The following TBC1D16 variants were observed in gnomAD, a reference collection of about 807,000 sequenced individuals.
The protein encoded by TBC1D16 is CTD-2529O21.1.
In TBC1D16, 58 loss-of-function variants were observed where a neutral mutation model predicts 74.7. That is an observed-to-expected ratio of 0.78 (90% CI 0.63 to 0.97). The LOEUF is 0.97. Among genes scored for constraint, TBC1D16 ranks in the 50% least tolerant of loss-of-function variants. The pLI is 0.00. For missense variants in TBC1D16, 1,014 were observed against 1,079.5 expected (o/e 0.94, Z 0.85); for synonymous variants, 493 against 474.7 (o/e 1.04, Z -0.50).
At position 80,000,756 on chromosome 17, in the gene TBC1D16, C is replaced by T. The variant is rs1057313432; in HGVS notation, c.779+9404G>A. Among the ~76,000 whole-genome samples the T allele has an allele frequency of 6.6e-6, 1 of 152,222 alleles. No individual in the cohort carries two copies. Among genetic ancestry groups the T allele is most frequent in the Middle Eastern group, 3.2e-3 (1 of 316 alleles). On this transcript the variant is annotated intron_variant, in intron 3 of 11. Transcript: ENST00000310924. The surrounding 1 kb of genome is among the most constrained non-coding windows in gnomAD (Gnocchi z 4.1). ...TTCCTGAACCCCCACAATGCCCCCA[C>T]TTCACAGAGGAGTAAACTGAGGTAC...
chr17:79,974,240 T>G (rs2034237439), intron 3 of TBC1D16, among the ~76,000 whole-genome samples: 1 of 37,662 alleles, frequency 2.7e-5, no homozygotes, highest in South Asian at 6.7e-4. Context: ...TCCATTTAAT[T>G]TTTTTTTTCT....
chr17:79,983,541 G>T lies in TBC1D16; in HGVS notation c.779+26619C>A, dbSNP rs1184865175. On this transcript the variant is annotated intron_variant, in intron 3 of 11. Coordinates refer to ENST00000310924, the MANE Select transcript of TBC1D16 (RefSeq NM_019020.4). This position sits in a 1 kb window ranked among gnomAD's most constrained non-coding sequence, Gnocchi z 5.6. ...AGCACCCGCAGCACCTCAGGCACGGGGAGCTGAGCCACCGACGGCTACAAA... is the reference window on the plus strand; with the variant it reads ...AGCACCCGCAGCACCTCAGGCACGGTGAGCTGAGCCACCGACGGCTACAAA... Among the ~76,000 whole-genome samples the T allele has an allele frequency of 6.6e-6, 1 of 152,200 alleles. No individual in the cohort carries two copies. Among genetic ancestry groups the T allele is most frequent in the Non-Finnish European group, 1.5e-5 (1 of 68,034 alleles).
intron 1 of TBC1D16, among the ~76,000 whole-genome samples, chr17:80,017,801 G>A (rs2036145429): frequency 6.6e-6 from 1 of 151,684 alleles, no homozygotes; most frequent in Admixed American, 6.6e-5. Flanking sequence ...TAGACCATCT[G>A]ACCAAATCCA....
In TBC1D16 at chr17:79,940,620, G is replaced by A. The variant is rs1017690758; in HGVS notation, c.*239C>T. 1.5e-5 allele frequency: 6 copies of A among 409,580 alleles called. No homozygotes were observed. Among genetic ancestry groups the A allele is most frequent in the East Asian group, 7.6e-5 (2 of 26,156 alleles). The allele number at this position is 409,580 out of a possible 1,614,324, so 25.4% of individuals were successfully genotyped here. On this transcript the variant is annotated 3_prime_UTR_variant, in exon 12 of 12. Transcript: ENST00000310924. This position sits in a 1 kb window ranked among gnomAD's most constrained non-coding sequence, Gnocchi z 5.4. The stretch of plus-strand genomic sequence containing the variant: ...CCTGCGTCTCAGGTGCGGTGGCTGC[G>A]CGTTCCACTGCAGCGTTTCAGGAGC...
chr17:79,991,903 G>A (rs375976527), intron 3 of TBC1D16: 2 of 151,760 alleles, frequency 1.3e-5, no homozygotes, highest in Admixed American at 6.6e-5. Context: ...TGGCGGGGGT[G>A]GGGGGATGGT....
At chr17:80,029,315 A>G (rs1030220782) in intron 1 of TBC1D16, among the ~76,000 whole-genome samples, 2 of 151,932 alleles carry the variant, frequency 1.3e-5, no homozygotes, top group Non-Finnish European at 2.9e-5. Flanking sequence ...AGGGGAGGAG[A>G]GGGGCAGCAG....
intron 3 of TBC1D16, among the ~76,000 whole-genome samples, chr17:79,974,377 TAC>T (rs1314031306): frequency 6.6e-6 from 1 of 152,200 alleles, no homozygotes; most frequent in Non-Finnish European, 1.5e-5. Context: ...TAGCTGGGAT[TAC>T]AGACATACAC....
At chr17:80,032,773 T>C (rs1449307147) in intron 1 of TBC1D16, among the ~76,000 whole-genome samples, 1 of 152,176 alleles carries the variant, frequency 6.6e-6, no homozygotes, top group Non-Finnish European at 1.5e-5. Flanking sequence ...AAAATCATCC[T>C]CTGCGCTGTC....
intron 9 of TBC1D16, among the ~76,000 whole-genome samples, chr17:79,945,316 G>T (rs1228172846): frequency 6.6e-6 from 1 of 152,220 alleles, no homozygotes; most frequent in Non-Finnish European, 1.5e-5. Flanking sequence ...TCCGGAGGCT[G>T]TGGTGTGGTC....
chr17:80,019,081 G>A (rs1849237528), intron 1 of TBC1D16, among the ~76,000 whole-genome samples: 1 of 150,106 alleles, frequency 6.7e-6, no homozygotes. Flanking sequence ...CAGTGTGATC[G>A]CTCCAGTTGC....
At chr17:79,968,317 T>A (rs2033924924) in intron 3 of TBC1D16, among the ~76,000 whole-genome samples, 1 of 152,214 alleles carries the variant, frequency 6.6e-6, no homozygotes, top group Non-Finnish European at 1.5e-5. Context: ...GGTGAAAGAA[T>A]AGTCTTTTCA....
rs957077268 is a variant in TBC1D16 at position 80,035,216 on chromosome 17, T to C, written c.-63+579A>G. ...CCTTTCCTTTTTTTCTTTCCTTCCT[T>C]TCGTTCTTTCTTTCTTTTTCTTTTT... On this transcript the variant is annotated intron_variant, in intron 1 of 11. Transcript: ENST00000310924. The surrounding 1 kb of genome is among the most constrained non-coding windows in gnomAD (Gnocchi z 5.3). Among the ~76,000 whole-genome samples, 1 of 147,612 alleles carries C rather than the reference T, an allele frequency of 6.8e-6. No individual in the cohort carries two copies. The highest frequency in any genetic ancestry group is 2.5e-5 in the African/African-American group (1 of 40,176).
rs1314916813 is a variant in TBC1D16 at position 79,941,493 on chromosome 17, C to G, written c.2056-386G>C. Among the ~76,000 whole-genome samples the G allele has an allele frequency of 6.6e-6, 1 of 152,170 alleles. No individual in the cohort carries two copies. The highest frequency in any genetic ancestry group is 1.5e-5 in the Non-Finnish European group (1 of 68,016). ...TCTTCCCCCGCACCTTGCTCCACCCCCCACCCCCAGCAGCCTCTCAGCTCC... is the reference window on the plus strand; with the variant it reads ...TCTTCCCCCGCACCTTGCTCCACCCGCCACCCCCAGCAGCCTCTCAGCTCC... On this transcript the variant is annotated intron_variant, in intron 11 of 11. Coordinates refer to ENST00000310924, the MANE Select transcript of TBC1D16 (RefSeq NM_019020.4). This position sits in a 1 kb window ranked among gnomAD's most constrained non-coding sequence, Gnocchi z 4.3.
chr17:79,960,809 A>AAAAAAAAAAAAAAAAAAC (rs2033576160), intron 3 of TBC1D16, among the ~76,000 whole-genome samples: 1 of 136,146 alleles, frequency 7.3e-6, no homozygotes, highest in Non-Finnish European at 1.6e-5. Flanking sequence ...AAAAAAAAAA[A>AAAAAAAAAAAAAAAAAAC]CGAAGGAATG....
intron 3 of TBC1D16, among the ~76,000 whole-genome samples, chr17:79,984,509 T>G (rs1167251356): frequency 1.3e-5 from 2 of 149,746 alleles, no homozygotes; most frequent in African/African-American, 4.9e-5. Context: ...TTTCCCTATC[T>G]CCCAGAATTT....
intron 3 of TBC1D16, among the ~76,000 whole-genome samples, chr17:79,991,063 G>A (rs1477154370): frequency 6.6e-6 from 1 of 152,238 alleles, no homozygotes; most frequent in African/African-American, 2.4e-5. Context: ...GGGTGGTCAT[G>A]TATCTGAGCT....
At chr17:80,032,771 C>A (rs1598458950) in intron 1 of TBC1D16, among the ~76,000 whole-genome samples, 1 of 152,178 alleles carries the variant, frequency 6.6e-6, no homozygotes, top group Non-Finnish European at 1.5e-5. Flanking sequence ...ATAAAATCAT[C>A]CTCTGCGCTG....
chr17:79,963,788 C>T (rs941579890), intron 3 of TBC1D16, among the ~76,000 whole-genome samples: 6 of 152,158 alleles, frequency 3.9e-5, no homozygotes, highest in Non-Finnish European at 5.9e-5. Flanking sequence ...GGTGGGAGGT[C>T]GTATTTCATT....
chr17:79,952,214 G>C (rs116423033), intron 4 of TBC1D16: 2,382 of 160,040 alleles, frequency 0.015, 19 homozygotes, highest in Middle Eastern at 0.024. Context: ...AGGAGGATCT[G>C]GTGTGGGGAA....
Sources: allele counts gnomAD v4.1 joint callset (sites outside exome capture counted in the v4.1 genomes callset), GRCh38; gene constraint gnomAD v4.1.1; non-coding constraint Gnocchi (gnomAD v3.1); transcripts MANE v1.5; gene names NCBI Gene and HGNC (gene_info 2026-07-23, HGNC 2026-07-21).